Variants in TEX14 observed in about 807,000 individuals in gnomAD.
TEX14 encodes testis expressed 14, intercellular bridge forming factor, also known as inactive serine/threonine-protein kinase TEX14.
TEX14 carries 168 observed loss-of-function variants against 178.6 expected under a neutral mutation model. That is an observed-to-expected ratio of 0.94 (90% CI 0.83 to 1.07). The LOEUF (loss-of-function observed/expected upper bound fraction) is 1.07. TEX14 is among the 50% of genes least tolerant of loss of function. The probability of loss-of-function intolerance (pLI) is 0.00; values close to 1 mark genes in which losing one functional copy is unlikely to be tolerated. For synonymous variants in TEX14, 626 were observed against 634.1 expected (o/e 0.99, Z 0.19); for missense variants, 1,730 against 1,753.6 (o/e 0.99, Z 0.24).
Position 58,569,185 on chromosome 17 carries a change from C to T in TEX14, c.3886+7G>A. 1 of 1,612,032 alleles carries T rather than the reference C, an allele frequency of 6.2e-7. No homozygotes were observed. Among genetic ancestry groups the T allele is most frequent in the East Asian group, 2.2e-5 (1 of 44,868 alleles). ...GAGAAGTATATTCTGTATTGAACATCTCTTACCAATGTCATCAAGTAGCTC... is the reference window on the plus strand; with the variant it reads ...GAGAAGTATATTCTGTATTGAACATTTCTTACCAATGTCATCAAGTAGCTC... On this transcript the variant is annotated splice_region_variant and intron_variant, in intron 26 of 31. Transcript: ENST00000349033. This position sits in a 1 kb window ranked among gnomAD's most constrained non-coding sequence, Gnocchi z 4.1.
At chr17:58,674,918 G>C (rs566133399) in intron 1 of TEX14, among the ~76,000 whole-genome samples, 4 of 151,646 alleles carry the variant, frequency 2.6e-5, no homozygotes, top group South Asian at 4.2e-4. Context: ...GCTGAGGGGG[G>C]GTGCATCACT....
At chr17:58,650,905 G>T (rs1053888454) in intron 2 of TEX14, among the ~76,000 whole-genome samples, 1 of 152,212 alleles carries the variant, frequency 6.6e-6, no homozygotes, top group East Asian at 1.9e-4. Context: ...CCACAAATCA[G>T]CAAAGAAAAG....
At chr17:58,584,897 G>A (rs1475892854) in intron 18 of TEX14, among the ~76,000 whole-genome samples, 1 of 152,132 alleles carries the variant, frequency 6.6e-6, no homozygotes, top group Non-Finnish European at 1.5e-5. Context: ...AAGTTTAGAT[G>A]TATCTTTCTT....
chr17:58,579,495 G>A (rs1262238746), intron 20 of TEX14, among the ~76,000 whole-genome samples, 170 bp downstream of exon 20: 1 of 152,160 alleles, frequency 6.6e-6, no homozygotes, highest in Non-Finnish European at 1.5e-5. Context: ...GAGGAGGAAG[G>A]GATTTGTTCT....
chr17:58,677,097 C>A (rs924468941), intron 1 of TEX14, among the ~76,000 whole-genome samples: 4 of 111,490 alleles, frequency 3.6e-5, no homozygotes, highest in South Asian at 5.7e-4. Flanking sequence ...CCAGCCTGGG[C>A]AACAAGAGGG....
At chr17:58,570,352 T>C (rs531739501) in intron 25 of TEX14, 33 bp downstream of exon 25, 79 of 1,393,864 alleles carry the variant, frequency 5.7e-5, no homozygotes, top group Admixed American at 2.3e-4. Flanking sequence ...TCCTTGATTA[T>C]AAACTTCTAT....
chr17:58,631,196 T>G, intron 2 of TEX14: 2 of 968,202 alleles, frequency 2.1e-6, no homozygotes, highest in Non-Finnish European at 2.5e-6. Flanking sequence ...GCGCAGTGGC[T>G]CACGCCTGTA....
intron 1 of TEX14, among the ~76,000 whole-genome samples, chr17:58,675,665 T>C (rs539607648): frequency 8.5e-5 from 13 of 152,328 alleles, no homozygotes; most frequent in African/African-American, 2.6e-4. Context: ...TGACAAGGAC[T>C]ATGTTCCAAG....
At chr17:58,592,374 G>A (rs547449597) in intron 15 of TEX14, among the ~76,000 whole-genome samples, 47 of 146,810 alleles carry the variant, frequency 3.2e-4, no homozygotes, top group Admixed American at 1.0e-3. Flanking sequence ...TTGCTCTATC[G>A]CCCAGGCTGG....
chr17:58,628,321 G>A lies in TEX14; in HGVS notation c.251+2119C>T, dbSNP rs368702462. Among the ~76,000 whole-genome samples, 8 of 152,210 alleles carry A rather than the reference G, an allele frequency of 5.3e-5. No individual in the cohort carries two copies. In the South Asian group the frequency reaches 1.7e-3, roughly 32 times the overall value. On this transcript the variant is annotated intron_variant, in intron 3 of 31. Transcript: ENST00000349033. ...CTGCTCGGCACGGTGGCTCACATCT[G>A]TAATCCCAGCACTTTGGGAGACTGA...
chr17:58,617,395 C>T (rs2045897084), intron 6 of TEX14, 143 bp downstream of exon 6: 2 of 604,092 alleles, frequency 3.3e-6, no homozygotes, highest in Non-Finnish European at 5.9e-6. Context: ...CTAAGAGATA[C>T]CTTTCCCTCA....
intron 1 of TEX14, chr17:58,659,344 A>G: frequency 1.0e-6 from 1 of 983,634 alleles, no homozygotes; most frequent in Non-Finnish European, 1.2e-6. Context: ...CATCGTCCTC[A>G]ACACACAACA....
chr17:58,634,337 C>T (rs550698878), intron 2 of TEX14, among the ~76,000 whole-genome samples: 31 of 152,146 alleles, frequency 2.0e-4, no homozygotes, highest in African/African-American at 6.3e-4. Context: ...TGCTTGAACC[C>T]GAGAGGTAGA....
In TEX14 at chr17:58,574,176, G is replaced by GT. The variant is rs1294953182; in HGVS notation, c.3383+10_3383+11insA. The GT allele has an allele frequency of 6.2e-7, 1 of 1,606,934 alleles. No homozygotes were observed. Among genetic ancestry groups the GT allele is most frequent in the Non-Finnish European group, 8.5e-7 (1 of 1,173,818 alleles). On this transcript the variant is annotated intron_variant, in intron 22 of 31. Transcript: ENST00000349033. ...ACAAGCATCCCTAGGCATTCTCTTT[G>GT]GTGATCATACATGTCTTTCTCTTTC... is the stretch of plus-strand genomic sequence containing the variant.
At chr17:58,659,185 A>G (rs999659274) in intron 1 of TEX14, 1 of 200,968 alleles carries the variant, frequency 5.0e-6, no homozygotes, top group Non-Finnish European at 8.9e-6. Context: ...CACTACCACA[A>G]GTTATGCAGC....
chr17:58,632,828 C>T (rs1407833768), intron 2 of TEX14, among the ~76,000 whole-genome samples: 1 of 151,998 alleles, frequency 6.6e-6, no homozygotes, highest in Non-Finnish European at 1.5e-5. Context: ...AGGCGACATC[C>T]GGAAAGATTG....
intron 1 of TEX14, among the ~76,000 whole-genome samples, chr17:58,679,108 T>A (rs1286714748): frequency 6.6e-6 from 1 of 151,822 alleles, no homozygotes; most frequent in Admixed American, 6.6e-5. Context: ...GAGCTGAGAT[T>A]GCGCCATTGT....
At chr17:58,649,698 T>A (rs2046798171) in intron 2 of TEX14, among the ~76,000 whole-genome samples, 1 of 152,186 alleles carries the variant, frequency 6.6e-6, no homozygotes. Flanking sequence ...TGACTGTCTA[T>A]CCACACCATT....
At chr17:58,616,349 A>G (rs200499020) in intron 6 of TEX14, 44 bp from the exon 7 acceptor site, 41 of 1,595,622 alleles carry the variant, frequency 2.6e-5, no homozygotes, top group Middle Eastern at 3.4e-4. Flanking sequence ...GAAGGGGGGA[A>G]AAGCAGAATA....
Sources: gnomAD v4.1 joint callset for allele counts (sites outside exome capture counted in the v4.1 genomes callset) on GRCh38, gnomAD v4.1.1 for gene constraint, Gnocchi (gnomAD v3.1) non-coding constraint, MANE v1.5 for transcripts, NCBI Gene and HGNC (gene_info 2026-07-23, HGNC 2026-07-21) for gene names.